PDE1A: variants seen among roughly 807,000 people sequenced by gnomAD.
PDE1A encodes the protein dual specificity calcium/calmodulin-dependent 3',5'-cyclic nucleotide phosphodiesterase 1A.
A neutral mutation model predicts 61.7 loss-of-function variants in PDE1A; 35 were observed. The observed-to-expected ratio is 0.57, with a 90% CI of 0.43 to 0.75. PDE1A has a LOEUF of 0.75. Ranked by LOEUF, PDE1A falls within the 30% of genes least tolerant of loss-of-function variation. PDE1A has a pLI of 0.00. For missense variants in PDE1A, 597 were observed against 630.6 expected, an observed-to-expected ratio of 0.95 and a Z score of 0.57; for synonymous variants, 232 against 213.2, an observed-to-expected ratio of 1.09 and a Z score of -0.77.
intron 10 of PDE1A, among the ~76,000 whole-genome samples, chr2:182,199,824 A>T (rs1429886382): frequency 6.6e-6 from 1 of 152,150 alleles, no homozygotes; most frequent in East Asian, 1.9e-4. Flanking sequence ...TAGGAATATA[A>T]ATTGCAATAT....
intron 1 of PDE1A, among the ~76,000 whole-genome samples, chr2:182,406,929 G>T (rs79098223): frequency 6.6e-6 from 1 of 151,856 alleles, no homozygotes; most frequent in Non-Finnish European, 1.5e-5. Flanking sequence ...GTTTTTAATT[G>T]TAAATCCTGC....
intron 1 of PDE1A, among the ~76,000 whole-genome samples, chr2:182,333,475 T>C (rs1697563622): frequency 1.3e-5 from 2 of 152,176 alleles, no homozygotes; most frequent in African/African-American, 4.8e-5. Context: ...TACTCCTGAA[T>C]GACTATTGGG....
chr2:182,364,620 C>T (rs1348398029), intron 1 of PDE1A, among the ~76,000 whole-genome samples: 1 of 151,470 alleles, frequency 6.6e-6, no homozygotes, highest in East Asian at 1.9e-4. Context: ...ACTTCCAATG[C>T]ATCCTTCTTA....
the PDE1A span, among the ~76,000 whole-genome samples, chr2:182,574,356 G>C: frequency 1.3e-5 from 2 of 152,082 alleles, no homozygotes; most frequent in East Asian, 3.9e-4. Flanking sequence ...CAATCAAGTT[G>C]ACACTCAGTA....
intron 1 of PDE1A, among the ~76,000 whole-genome samples, chr2:182,291,438 A>C (rs1694529425): frequency 6.6e-6 from 1 of 152,166 alleles, no homozygotes; most frequent in Non-Finnish European, 1.5e-5. Context: ...TATTGCACGT[A>C]GTGCATATCT....
intron 1 of PDE1A, among the ~76,000 whole-genome samples, chr2:182,298,047 T>C (rs1178739914): frequency 1.3e-5 from 2 of 152,216 alleles, no homozygotes; most frequent in African/African-American, 4.8e-5. Flanking sequence ...CAGAATTGGG[T>C]AACTTGTTAG....
intron 1 of PDE1A, among the ~76,000 whole-genome samples, chr2:182,390,955 C>T (rs1243775374): frequency 6.6e-6 from 1 of 152,178 alleles, no homozygotes; most frequent in Non-Finnish European, 1.5e-5. Flanking sequence ...CTCCTCAGGA[C>T]CCACCACAAC....
intron 1 of PDE1A, among the ~76,000 whole-genome samples, chr2:182,346,783 G>A (rs1158146692): frequency 6.6e-6 from 1 of 152,034 alleles, no homozygotes; most frequent in Non-Finnish European, 1.5e-5. Context: ...TTCAATATGA[G>A]AAAATCAACT....
the PDE1A span, among the ~76,000 whole-genome samples, chr2:182,699,131 A>C: frequency 6.6e-6 from 1 of 152,186 alleles, no homozygotes; most frequent in Non-Finnish European, 1.5e-5. Flanking sequence ...ATCATAACCC[A>C]AGGTAAAAAG....
intron 7 of PDE1A, among the ~76,000 whole-genome samples, chr2:182,207,326 T>A (rs1044886321): frequency 6.6e-6 from 1 of 152,202 alleles, no homozygotes; most frequent in Non-Finnish European, 1.5e-5. Flanking sequence ...ATTTGAGTAC[T>A]TATTTGAGTA....
At chr2:182,682,057 G>A in the PDE1A span, among the ~76,000 whole-genome samples, 1 of 152,136 alleles carries the variant, frequency 6.6e-6, no homozygotes, top group East Asian at 1.9e-4. Context: ...TTTTCTTATT[G>A]ACTTCACAGC....
chr2:182,332,089 T>C (rs1398781757), intron 1 of PDE1A, among the ~76,000 whole-genome samples: 1 of 152,184 alleles, frequency 6.6e-6, no homozygotes, highest in African/African-American at 2.4e-5. Flanking sequence ...CACACTTTAT[T>C]TCATTAAGTT....
chr2:182,275,702 T>C (rs1693360048), intron 1 of PDE1A, among the ~76,000 whole-genome samples: 1 of 152,110 alleles, frequency 6.6e-6, no homozygotes, highest in East Asian at 1.9e-4. Context: ...AAATAATTTT[T>C]ATTTGGCAGA....
At chr2:182,379,455 T>C (rs755194416) in intron 1 of PDE1A, among the ~76,000 whole-genome samples, 2 of 152,196 alleles carry the variant, frequency 1.3e-5, no homozygotes, top group African/African-American at 2.4e-5. Flanking sequence ...TCTTTTTTCT[T>C]CAAACTCAGA....
chr2:182,670,749 G>A, the PDE1A span, among the ~76,000 whole-genome samples: 1 of 152,192 alleles, frequency 6.6e-6, no homozygotes, highest in African/African-American at 2.4e-5. Context: ...AATCACCTGA[G>A]AAATCTTGTT....
At chr2:182,431,662 AACTG>A (rs1177184442), upstream of PDE1A, among the ~76,000 whole-genome samples, 4 of 152,128 alleles carry the variant, frequency 2.6e-5, no homozygotes, top group Admixed American at 6.6e-5. Flanking sequence ...CAAGTTTTAC[AACTG>A]ACTAAGAAGC....
intron 1 of PDE1A, among the ~76,000 whole-genome samples, chr2:182,359,327 T>C (rs1358301236): frequency 6.6e-6 from 1 of 152,152 alleles, no homozygotes; most frequent in Non-Finnish European, 1.5e-5. Context: ...AAACTCAAAA[T>C]GACCATGTTA....
chr2:182,577,934 A>AAGGG, the PDE1A span, among the ~76,000 whole-genome samples: 1 of 59,090 alleles, frequency 1.7e-5, no homozygotes, highest in Non-Finnish European at 3.5e-5. Context: ...AAGAAAACGG[A>AAGGG]AGGAAGGAAG....
chr2:182,369,209 T>C, intron 1 of PDE1A, among the ~76,000 whole-genome samples: 1 of 152,154 alleles, frequency 6.6e-6, no homozygotes, highest in Middle Eastern at 3.2e-3. Flanking sequence ...TCCCCAAAAG[T>C]CACCTAACAA....
Sources: allele counts gnomAD v4.1 joint callset (sites outside exome capture counted in the v4.1 genomes callset), GRCh38; gene constraint gnomAD v4.1.1; transcripts MANE v1.5; gene names NCBI Gene and HGNC (gene_info 2026-07-23, HGNC 2026-07-21).